VIL1: variants seen among roughly 807,000 people sequenced by gnomAD.
VIL1 encodes the protein villin 1.
A neutral mutation model predicts 104.0 loss-of-function variants in VIL1; 86 were observed. The ratio of observed to expected loss-of-function variants is 0.83; its 90% CI spans 0.69 to 0.99. The LOEUF (loss-of-function observed/expected upper bound fraction) is 0.99. VIL1 is among the 50% of genes least tolerant of loss of function. The pLI is 0.00. For missense variants in VIL1, 944 were observed against 1,054.1 expected (o/e 0.90, Z 1.45); for synonymous variants, 394 against 412.6 (o/e 0.95, Z 0.55).
intron 17 of VIL1, among the ~76,000 whole-genome samples, chr2:218,437,636 A>T (rs977501587): frequency 4.6e-5 from 7 of 152,248 alleles, no homozygotes; most frequent in Non-Finnish European, 1.0e-4. Context: ...GTCACTAGCC[A>T]CATGTGGCAG....
intron 2 of VIL1, 80 bp downstream of exon 2, chr2:218,423,933 C>T: frequency 2.0e-6 from 3 of 1,521,776 alleles, no homozygotes; most frequent in South Asian, 1.1e-5. Context: ...CCTGGGATTT[C>T]TCTTCGTTTC....
Position 218,429,394 on chromosome 2 carries a change from T to G in VIL1, c.677T>G (p.Met226Arg). 6.2e-7 allele frequency: 1 copy of G among 1,614,100 alleles called. No individual in the cohort carries two copies. Residue 226 changes from methionine (M) to arginine (R), a missense_variant, in exon 7 of 20, where the codon ATG (methionine) becomes AGG (arginine). Physicochemically the swap from Met to Arg is moderately conservative, Grantham distance 91 (BLOSUM62 -1). Coordinates refer to ENST00000248444, the MANE Select transcript of VIL1 (RefSeq NM_007127.3). ...GCATCCCCGAAGCTGATGGAGGTGATGAACCACGTGCTGGGCAAGCGCAGG... is the reference window on the plus strand; with the variant it reads ...GCATCCCCGAAGCTGATGGAGGTGAGGAACCACGTGCTGGGCAAGCGCAGG... ...ELASPKLMEVMNHVLGKRREL... is the reference protein window; with the variant it reads ...ELASPKLMEVRNHVLGKRREL...
At chr2:218,441,394 GA>G (rs376674460) in intron 19 of VIL1, among the ~76,000 whole-genome samples, 2,856 of 123,994 alleles carry the variant, frequency 0.023, 87 homozygotes, top group African/African-American at 0.077. Flanking sequence ...CTCAAAAAAA[GA>G]AAAAAAAAAA....
At chr2:218,437,361 C>G (rs1689213955) in intron 17 of VIL1, 49 bp downstream of exon 17, 2 of 1,590,464 alleles carry the variant, frequency 1.3e-6, no homozygotes, top group African/African-American at 2.7e-5. Flanking sequence ...GCCTGGAGAT[C>G]AGTGCTGATT....
At chr2:218,445,609 T>TC (rs1689352163) in intron 19 of VIL1, among the ~76,000 whole-genome samples, 1 of 151,966 alleles carries the variant, frequency 6.6e-6, no homozygotes, top group Non-Finnish European at 1.5e-5. Flanking sequence ...AGCTGTTTAA[T>TC]TCAGGGCTCT....
intron 13 of VIL1, 130 bp from the exon 14 acceptor site, chr2:218,434,396 C>G (rs1689151110): frequency 3.4e-6 from 3 of 871,184 alleles, no homozygotes; most frequent in Non-Finnish European, 5.2e-6. Context: ...TTAGAAAGAC[C>G]TGGTGACGGA....
At chr2:218,423,089 G>T (rs1026112866) in intron 1 of VIL1, among the ~76,000 whole-genome samples, 6 of 152,122 alleles carry the variant, frequency 3.9e-5, no homozygotes, top group Admixed American at 3.9e-4. Flanking sequence ...AGCGAATACA[G>T]CTACAGGTCC....
intron 10 of VIL1, chr2:218,431,118 G>A (rs1689089025): frequency 1.0e-5 from 6 of 586,228 alleles, no homozygotes; most frequent in Non-Finnish European, 1.8e-5. Context: ...GGAGGCTGAG[G>A]CGGGTGGATC....
chr2:218,449,268 C>T lies in VIL1; in HGVS notation c.2416C>T (p.Pro806Ser). ...EDFTQAFGMT[P>S]AAFSALPRWK... is the part of the protein sequence containing the mutation. ...TTTCACTCAGGCCTTTGGGATGACT[C>T]CAGCTGCCTTCTCTGCTCTGCCTCG... Residue 806 changes from proline (P) to serine (S), a missense_variant, in exon 20 of 20, where the codon CCA becomes TCA. Physicochemically the swap from Pro to Ser is moderately conservative, Grantham distance 74. Transcript: ENST00000248444. The T allele has an allele frequency of 6.2e-7, 1 of 1,614,098 alleles. No homozygotes were observed. The highest frequency in any genetic ancestry group is 8.5e-7 in the Non-Finnish European group (1 of 1,179,966).
rs1347989636 is a variant in VIL1, at chr2:218,449,230, T to A, written c.2378T>A (p.Leu793Gln). The A allele has an allele frequency of 3.1e-6, 5 of 1,613,514 alleles. No individual in the cohort carries two copies. The Admixed American group carries it at 5.0e-5, about 16-fold the overall frequency. Residue 793 changes from leucine (L) to glutamine (Q), a missense_variant, in exon 20 of 20, where the codon CTG becomes CAG. Coordinates refer to ENST00000248444, the MANE Select transcript of VIL1 (RefSeq NM_007127.3). The part of the protein sequence containing the change: ...GVDPSRKEEH[L>Q]SIEDFTQAFG... Reference sequence around the variant, plus strand: ...GTCCCTCTCTTCTTCTAGGAACACCTGTCCATTGAAGATTTCACTCAGGCC... The same window carrying A: ...GTCCCTCTCTTCTTCTAGGAACACCAGTCCATTGAAGATTTCACTCAGGCC...
intron 18 of VIL1, among the ~76,000 whole-genome samples, chr2:218,440,122 A>G (rs1301603702): frequency 6.6e-6 from 1 of 152,210 alleles, no homozygotes; most frequent in African/African-American, 2.4e-5. Flanking sequence ...ATAGATGACA[A>G]TTTCACAACA....
chr2:218,432,070 C>CTGG lies in VIL1; in HGVS notation c.1230_1232dup (p.Val411dup). 6.2e-7 allele frequency: 1 copy of CTGG among 1,614,144 alleles called. No individual in the cohort carries two copies. Among genetic ancestry groups the CTGG allele is most frequent in the South Asian group, 1.1e-5 (1 of 91,082 alleles). On this transcript the variant is annotated inframe_insertion, in exon 12 of 20. Coordinates refer to ENST00000248444, the MANE Select transcript of VIL1 (RefSeq NM_007127.3). The stretch of plus-strand genomic sequence containing the variant: ...GGTGTGGCGCATTGAGAACCTAGAG[C>CTGG]TGGTACCTGTGGATTCCAAGTGGCT...
At chr2:218,440,664 G>A in intron 18 of VIL1, 58 bp from the exon 19 acceptor site, 2 of 1,607,720 alleles carry the variant, frequency 1.2e-6, no homozygotes, top group Non-Finnish European at 1.7e-6. Context: ...GAGAAAGGCA[G>A]CCTGGGAGGT....
intron 19 of VIL1, among the ~76,000 whole-genome samples, chr2:218,447,599 C>T (rs1435044768): frequency 6.6e-6 from 1 of 152,160 alleles, no homozygotes. Context: ...GAATTACAGA[C>T]GTGAGCCACC....
At chr2:218,448,840 A>C (rs1296577202) in intron 19 of VIL1, among the ~76,000 whole-genome samples, 1 of 152,084 alleles carries the variant, frequency 6.6e-6, no homozygotes, top group African/African-American at 2.4e-5. Context: ...TCCCGTCTCT[A>C]CTAAAAACAC....
intron 19 of VIL1, among the ~76,000 whole-genome samples, chr2:218,444,157 A>C (rs1689327287): frequency 6.6e-6 from 1 of 151,104 alleles, no homozygotes; most frequent in Admixed American, 6.6e-5. Context: ...TTTAGTTGAG[A>C]CAGGGTTTCA....
At chr2:218,422,592 C>A (rs1375820557) in intron 1 of VIL1, among the ~76,000 whole-genome samples, 1 of 152,232 alleles carries the variant, frequency 6.6e-6, no homozygotes, top group Non-Finnish European at 1.5e-5. Context: ...AGGGAAGCAG[C>A]AGCCACCCCT....
At position 218,424,247 on chromosome 2, in the gene VIL1, C is replaced by A. The variant is rs201035750; in HGVS notation, c.76-30C>A. The A allele has an allele frequency of 3.1e-5, 49 of 1,605,606 alleles. 1 individual carries two copies. In the Admixed American group the frequency reaches 5.3e-4, roughly 17 times the overall value. ...GCCTAGGGGTCCTGGTGGTCCAGGGCAGCCCCTCTGACCCTCTTTCTCTCC... is the reference window on the plus strand; with the variant it reads ...GCCTAGGGGTCCTGGTGGTCCAGGGAAGCCCCTCTGACCCTCTTTCTCTCC... On this transcript the variant is annotated intron_variant, in intron 2 of 19. Transcript: ENST00000248444.
Position 218,452,192 on chromosome 2 carries a change from T to C in VIL1, c.*2856T>C, listed in dbSNP as rs978841818. The stretch of plus-strand genomic sequence containing the variant: ...TAATTGCCATCAAGTTCCAATTCAA[T>C]GTCATTTAAAGTAATGTAACCACAC... On this transcript the variant is annotated 3_prime_UTR_variant, in exon 20 of 20. Transcript: ENST00000248444. 6.6e-6 allele frequency: 1 copy of C among 152,126 alleles called. No homozygotes were observed. Among genetic ancestry groups the C allele is most frequent in the South Asian group, 2.1e-4 (1 of 4,828 alleles). 9.4% of individuals were successfully genotyped at this position (152,126 alleles called of 1,614,324 possible).
Sources: allele counts gnomAD v4.1 joint callset (sites outside exome capture counted in the v4.1 genomes callset), GRCh38; gene constraint gnomAD v4.1.1; transcripts MANE v1.5; gene names NCBI Gene and HGNC (gene_info 2026-07-23, HGNC 2026-07-21).